USP37: variants seen among roughly 807,000 people sequenced by gnomAD.
The protein encoded by USP37 is ubiquitin specific peptidase 37.
USP37 carries 27 observed loss-of-function variants against 124.0 expected under a neutral mutation model. The ratio of observed to expected loss-of-function variants is 0.22; its 90% CI spans 0.16 to 0.30. The LOEUF (loss-of-function observed/expected upper bound fraction) is 0.30, where lower values mean the gene tolerates loss of function less well. Ranked by LOEUF, USP37 falls within the 10% of genes least tolerant of loss-of-function variation. The pLI is 1.00. For synonymous variants in USP37, 365 were observed against 388.0 expected, an observed-to-expected ratio of 0.94 and a Z score of 0.70; for missense variants, 889 against 1,140.4, an observed-to-expected ratio of 0.78 and a Z score of 3.17.
At chr2:218,464,517 C>T (rs1347949823) in intron 21 of USP37, among the ~76,000 whole-genome samples, 5 of 152,276 alleles carry the variant, frequency 3.3e-5, no homozygotes, top group South Asian at 2.1e-4. Context: ...GGATTACAGG[C>T]GTGAGCCACA....
intron 8 of USP37, among the ~76,000 whole-genome samples, chr2:218,536,258 C>T (rs1559215198): frequency 6.6e-6 from 1 of 152,104 alleles, no homozygotes; most frequent in Non-Finnish European, 1.5e-5. Flanking sequence ...AATGTTCATG[C>T]TTTAACAGTG....
chr2:218,553,713 G>A lies in USP37; in HGVS notation c.168C>T (p.Asn56=). 6.2e-7 allele frequency: 1 copy of A among 1,608,636 alleles called. No individual in the cohort carries two copies. Among genetic ancestry groups the A allele is most frequent in the Non-Finnish European group, 8.5e-7 (1 of 1,177,266 alleles). ...TGGGTCGAAGCACCACATTTTTAAT[G>A]TTATGACTTAGCTAATCAAGACAAA... is the stretch of plus-strand genomic sequence containing the variant. ...GIPRIFQLSH[N]IKNVVLRPSG... The change falls in exon 5 of 26, where the codon AAC becomes AAT. Residue 56 remains asparagine (N), a synonymous_variant. Coordinates refer to ENST00000258399, the MANE Select transcript of USP37 (RefSeq NM_020935.3).
chr2:218,535,197 C>G (rs1369558414), intron 8 of USP37, among the ~76,000 whole-genome samples: 2 of 149,946 alleles, frequency 1.3e-5, no homozygotes, highest in African/African-American at 4.9e-5. Flanking sequence ...AACCCCGTCT[C>G]AACTAAAAAT....
chr2:218,534,759 CT>C, intron 8 of USP37, 53 bp from the exon 9 acceptor site: 1 of 1,223,856 alleles, frequency 8.2e-7, no homozygotes, highest in Non-Finnish European at 1.1e-6. Context: ...AAATATTGTT[CT>C]TAATTTTAAA....
rs61488353 is a variant in USP37 at position 218,557,930 on chromosome 2, C to CAAAAAAAAA, written c.156+559_156+567dup. ...TGGGTGACAGAGGAAGACTCTGTCTCAAAAAAAAAAAAAAAAAAAAGGTGA... is the reference window on the plus strand; with the variant it reads ...TGGGTGACAGAGGAAGACTCTGTCTCAAAAAAAAAAAAAAAAAAAAAAAAAAAAAGGTGA... On this transcript the variant is annotated intron_variant, in intron 4 of 25. Coordinates refer to ENST00000258399, the MANE Select transcript of USP37 (RefSeq NM_020935.3). Among the ~76,000 whole-genome samples, 208 of 35,650 alleles carry CAAAAAAAAA rather than the reference C, an allele frequency of 5.8e-3. 17 individuals carry two copies. Among genetic ancestry groups the CAAAAAAAAA allele is most frequent in the African/African-American group, 0.017 (201 of 12,006 alleles). The allele number at this position is 35,650 out of a possible 152,430, so 23.4% of individuals were successfully genotyped here.
intron 4 of USP37, among the ~76,000 whole-genome samples, chr2:218,557,892 T>C (rs371476158): frequency 4.9e-5 from 6 of 121,220 alleles, no homozygotes; most frequent in African/African-American, 1.6e-4. Context: ...AATCATGTCA[T>C]TGTATTCCAG....
chr2:218,550,682 T>C (rs1441994999), intron 5 of USP37, among the ~76,000 whole-genome samples: 2 of 150,948 alleles, frequency 1.3e-5, no homozygotes, highest in African/African-American at 4.9e-5. Context: ...TATGAGAGTA[T>C]CTTGCTTCCC....
intron 4 of USP37, 25 bp downstream of exon 4, chr2:218,558,473 A>G: frequency 6.2e-7 from 1 of 1,601,716 alleles, no homozygotes; most frequent in Non-Finnish European, 8.5e-7. Flanking sequence ...TTCAAGAGCT[A>G]TTCCAAATCA....
At chr2:218,485,836 T>A in intron 15 of USP37, 93 bp from the exon 16 acceptor site, 2 of 1,361,420 alleles carry the variant, frequency 1.5e-6, no homozygotes, top group East Asian at 2.3e-5. Flanking sequence ...GTTCCATTAG[T>A]GGAATGACAA....
At chr2:218,472,303 G>A (rs1690738264) in intron 20 of USP37, among the ~76,000 whole-genome samples, 1 of 152,090 alleles carries the variant, frequency 6.6e-6, no homozygotes, top group South Asian at 2.1e-4. Flanking sequence ...GTCTACACAA[G>A]AGTATGCATA....
chr2:218,529,089 C>T (rs71415842), intron 10 of USP37, among the ~76,000 whole-genome samples: 8,622 of 152,136 alleles, frequency 0.057, 357 homozygotes, highest in East Asian at 0.12. Context: ...TATTGTCTGT[C>T]GCAATCTATG....
chr2:218,518,574 T>C (rs560365851), intron 10 of USP37, among the ~76,000 whole-genome samples: 176 of 152,346 alleles, frequency 1.2e-3, no homozygotes, highest in Middle Eastern at 6.8e-3. Flanking sequence ...TTCTATGGCT[T>C]AGAATTTTTA....
rs895309212 is a variant in USP37, at chr2:218,453,941, T to C, written c.*989A>G. 3 of 152,160 alleles carry C rather than the reference T, an allele frequency of 2.0e-5. No homozygotes were observed. Among genetic ancestry groups the C allele is most frequent in the Non-Finnish European group, 4.4e-5 (3 of 68,024 alleles). 9.4% of individuals were successfully genotyped at this position (152,160 alleles called of 1,614,324 possible). ...AACACTCTTCTTATCCTCCCTATGT[T>C]TGAGAGACAGAGATGCTAGCATTCT... On this transcript the variant is annotated 3_prime_UTR_variant, in exon 26 of 26. Transcript: ENST00000258399.
chr2:218,529,946 C>G lies in USP37; in HGVS notation c.863+10G>C. The G allele has an allele frequency of 6.3e-7, 1 of 1,586,590 alleles. No individual in the cohort carries two copies. Among genetic ancestry groups the G allele is most frequent in the Non-Finnish European group, 8.5e-7 (1 of 1,170,328 alleles). ...CTAAGTTTTTCACAAGTAATATAAC[C>G]AATGCATACCTGTCTAAGTTAGTGC... On this transcript the variant is annotated intron_variant, in intron 10 of 25. Coordinates refer to ENST00000258399, the MANE Select transcript of USP37 (RefSeq NM_020935.3).
chr2:218,565,931 C>T (rs1559236317), intron 1 of USP37, among the ~76,000 whole-genome samples: 2 of 152,078 alleles, frequency 1.3e-5, no homozygotes, highest in Non-Finnish European at 2.9e-5. Context: ...TGCCTGTAAT[C>T]CCAGGTACTT....
chr2:218,472,154 C>T (rs1389642123), intron 20 of USP37, among the ~76,000 whole-genome samples: 3 of 152,068 alleles, frequency 2.0e-5, no homozygotes, highest in Non-Finnish European at 4.4e-5. Context: ...AAACTTCTTA[C>T]GTAGCAGCTT....
At chr2:218,559,001 TA>T (rs35129465) in intron 3 of USP37, among the ~76,000 whole-genome samples, 157 of 143,070 alleles carry the variant, frequency 1.1e-3, no homozygotes, top group Non-Finnish European at 1.1e-3. Flanking sequence ...AAATATAAGT[TA>T]AAAAAAAAAA....
At chr2:218,534,302 A>C (rs1179671048) in intron 9 of USP37, among the ~76,000 whole-genome samples, 3 of 152,162 alleles carry the variant, frequency 2.0e-5, no homozygotes, top group African/African-American at 4.8e-5. Context: ...TAGCCTGGCC[A>C]ATATGGTGAA....
At chr2:218,544,405 A>AGT (rs1692184027) in intron 8 of USP37, among the ~76,000 whole-genome samples, 3 of 70,484 alleles carry the variant, frequency 4.3e-5, no homozygotes, top group African/African-American at 2.3e-4. Context: ...AAAAAAAAAA[A>AGT]AATATATATA....
Sources: gnomAD v4.1 joint callset for allele counts (sites outside exome capture counted in the v4.1 genomes callset) on GRCh38, gnomAD v4.1.1 for gene constraint, MANE v1.5 for transcripts, NCBI Gene and HGNC (gene_info 2026-07-23, HGNC 2026-07-21) for gene names.